MICU3: variants seen among roughly 807,000 people sequenced by gnomAD.
MICU3 encodes the protein mitochondrial calcium uptake 3.
A neutral mutation model predicts 66.5 loss-of-function variants in MICU3; 62 were observed. The ratio of observed to expected loss-of-function variants is 0.93; its 90% CI spans 0.76 to 1.15. The LOEUF (loss-of-function observed/expected upper bound fraction) is 1.15. Ranked by LOEUF, MICU3 falls within the 50% of genes most tolerant of loss-of-function variation. The pLI, the probability that MICU3 is intolerant of heterozygous loss-of-function variation, is 0.00. For missense variants in MICU3, 779 were observed against 664.4 expected (o/e 1.17, Z -1.90); for synonymous variants, 308 against 240.7 (o/e 1.28, Z -2.59).
chr8:17,029,014 T>G (rs557627014), intron 1 of MICU3, among the ~76,000 whole-genome samples: 15 of 152,346 alleles, frequency 9.8e-5, no homozygotes, highest in African/African-American at 3.6e-4. Context: ...AGCTAGAACT[T>G]TGGCTCCACG....
At chr8:17,137,895 T>A in the MICU3 span, among the ~76,000 whole-genome samples, 1 of 151,744 alleles carries the variant, frequency 6.6e-6, no homozygotes, top group Non-Finnish European at 1.5e-5. Context: ...TTTTGTATTT[T>A]TCGTAGAGAC....
intron 1 of MICU3, among the ~76,000 whole-genome samples, chr8:17,060,567 C>T (rs1299227650): frequency 2.0e-5 from 3 of 152,172 alleles, no homozygotes; most frequent in African/African-American, 7.2e-5. Flanking sequence ...CTGCCTCGGC[C>T]TCCCATAGTG....
At chr8:17,111,582 T>G (rs1018803236) in intron 11 of MICU3, among the ~76,000 whole-genome samples, 3 of 152,252 alleles carry the variant, frequency 2.0e-5, no homozygotes, top group Admixed American at 6.5e-5. Flanking sequence ...GTGTCATATT[T>G]AAGCAGTTGT....
At chr8:17,103,636 TA>T (rs1801476530) in intron 9 of MICU3, among the ~76,000 whole-genome samples, 1 of 151,792 alleles carries the variant, frequency 6.6e-6, no homozygotes, top group African/African-American at 2.4e-5. Context: ...AAAGCTATAT[TA>T]AAGGAAGGTG....
At chr8:17,127,342 G>A (rs1803431094), downstream of MICU3, among the ~76,000 whole-genome samples, 1 of 152,144 alleles carries the variant, frequency 6.6e-6, no homozygotes, top group African/African-American at 2.4e-5. Context: ...AGAATCTTTT[G>A]AAATCAGATT....
chr8:17,050,702 C>T (rs1815929762), intron 1 of MICU3, among the ~76,000 whole-genome samples: 1 of 152,096 alleles, frequency 6.6e-6, no homozygotes, highest in Non-Finnish European at 1.5e-5. Flanking sequence ...TGTGTAATAT[C>T]TTTTTGGTGA....
At position 17,044,427 on chromosome 8, in the gene MICU3, G is replaced by T. The variant is rs1215141642; in HGVS notation, c.381+16767G>T. ...CTGTGTAATTCTAGTATCTTCTTCA[G>T]CAGTGTTTTCTTAATTGTAGGAGAG... On this transcript the variant is annotated intron_variant, in intron 1 of 14. Coordinates refer to ENST00000318063, the MANE Select transcript of MICU3 (RefSeq NM_181723.3). 2.0e-5 allele frequency among the ~76,000 whole-genome samples: 3 copies of T among 152,286 alleles called. No homozygotes were observed. The East Asian group carries it at 5.8e-4, about 29-fold the overall frequency.
intron 1 of MICU3, among the ~76,000 whole-genome samples, chr8:17,028,692 T>C (rs540332131): frequency 9.9e-5 from 15 of 152,272 alleles, no homozygotes; most frequent in South Asian, 2.1e-4. Flanking sequence ...GGAATCTGCT[T>C]TATGGACTAT....
chr8:17,094,599 T>G (rs1230815122), intron 8 of MICU3, among the ~76,000 whole-genome samples: 1 of 152,016 alleles, frequency 6.6e-6, no homozygotes, highest in Admixed American at 6.6e-5. Context: ...CAATAAATAC[T>G]GTCAGTTGTT....
intron 8 of MICU3, among the ~76,000 whole-genome samples, chr8:17,092,788 A>G (rs1800214635): frequency 6.6e-6 from 1 of 152,090 alleles, no homozygotes; most frequent in Non-Finnish European, 1.5e-5. Context: ...GTATTATACA[A>G]ATCTATTAGT....
chr8:17,125,546 C>T (rs1304649155), downstream of MICU3, among the ~76,000 whole-genome samples: 2 of 152,132 alleles, frequency 1.3e-5, no homozygotes, highest in Admixed American at 6.6e-5. Flanking sequence ...GTAGCTGGGG[C>T]ATTTCATACG....
chr8:17,059,732 C>G (rs199582346), intron 1 of MICU3, among the ~76,000 whole-genome samples: 1 of 152,054 alleles, frequency 6.6e-6, no homozygotes, highest in Admixed American at 6.6e-5. Context: ...AGATCCCATT[C>G]TCAATTCAAA....
At chr8:17,047,714 C>T (rs1815327756) in intron 1 of MICU3, among the ~76,000 whole-genome samples, 1 of 152,104 alleles carries the variant, frequency 6.6e-6, no homozygotes. Context: ...ATTTCTATAC[C>T]TCGGTAAGTT....
intron 1 of MICU3, among the ~76,000 whole-genome samples, chr8:17,039,895 C>CTTTTTTT (rs35133600): frequency 0.011 from 692 of 62,562 alleles, 108 homozygotes; most frequent in Non-Finnish European, 0.014. Context: ...ATCTTGCATT[C>CTTTTTTT]TTTTTTTTTT....
In MICU3 at chr8:17,086,896, C is replaced by T. The variant is rs115795420; in HGVS notation, c.778-68C>T. 2.6e-3 allele frequency: 2,599 copies of T among 994,270 alleles called. 58 individuals are homozygous for T. The African/African-American group carries it at 0.035, about 14-fold the overall frequency. 61.6% of individuals were successfully genotyped at this position (994,270 alleles called of 1,614,324 possible). ...TCTTTGTTTTTGGAATATACCTAGTCCAGAATAGTAGATAGGTGCCCAGAA... is the reference window on the plus strand; with the variant it reads ...TCTTTGTTTTTGGAATATACCTAGTTCAGAATAGTAGATAGGTGCCCAGAA... On this transcript the variant is annotated intron_variant, in intron 6 of 14. Coordinates refer to ENST00000318063, the MANE Select transcript of MICU3 (RefSeq NM_181723.3).
chr8:17,127,270 T>TA (rs1803429040), downstream of MICU3, among the ~76,000 whole-genome samples: 3 of 152,214 alleles, frequency 2.0e-5, no homozygotes, highest in Non-Finnish European at 4.4e-5. Context: ...GTGAGTATCT[T>TA]ATGTACCATT....
At chr8:17,110,861 G>GTCACC (rs1290154521) in intron 11 of MICU3, among the ~76,000 whole-genome samples, 1 of 152,070 alleles carries the variant, frequency 6.6e-6, no homozygotes, top group African/African-American at 2.4e-5. Context: ...ACAGGGGTGA[G>GTCACC]TCACCATACC....
chr8:17,114,421 C>A (rs1450847266), intron 12 of MICU3, among the ~76,000 whole-genome samples: 1 of 152,004 alleles, frequency 6.6e-6, no homozygotes, highest in Admixed American at 6.6e-5. Flanking sequence ...TTGTGTGTAC[C>A]TATGGAGGAA....
chr8:17,054,939 A>G (rs1030079021), intron 1 of MICU3, among the ~76,000 whole-genome samples: 4 of 151,698 alleles, frequency 2.6e-5, no homozygotes, highest in South Asian at 2.1e-4. Context: ...GGGTTTCACT[A>G]TGTTGGCCAG....
Sources: gnomAD v4.1 joint callset for allele counts (sites outside exome capture counted in the v4.1 genomes callset) on GRCh38, gnomAD v4.1.1 for gene constraint, MANE v1.5 for transcripts, NCBI Gene and HGNC (gene_info 2026-07-23, HGNC 2026-07-21) for gene names.